Variants in AP3S2 observed in about 807,000 individuals in gnomAD.
AP3S2 encodes adaptor related protein complex 3 subunit sigma 2.
In AP3S2, 22 loss-of-function variants were observed where a neutral mutation model predicts 23.4. The observed-to-expected ratio is 0.94, with a 90% confidence interval of 0.67 to 1.34. The LOEUF is 1.34. Ranked by LOEUF, AP3S2 falls within the 40% of genes most tolerant of loss-of-function variation. The probability of loss-of-function intolerance (pLI) is 0.00; values close to 1 mark genes in which losing one functional copy is unlikely to be tolerated. For missense variants in AP3S2, 241 were observed against 236.9 expected, an observed-to-expected ratio of 1.02 and a Z score of -0.11; for synonymous variants, 86 against 87.1, an observed-to-expected ratio of 0.99 and a Z score of 0.07.
At chr15:89,844,320 TTTCCTTCC>T (rs893521555) in intron 4 of AP3S2, among the ~76,000 whole-genome samples, 2 of 149,552 alleles carry the variant, frequency 1.3e-5, no homozygotes, top group African/African-American at 2.5e-5. Flanking sequence ...TCCTTCCTTC[TTTCCTTCC>T]TTCCTTCTTT....
chr15:89,835,193 G>T lies in AP3S2; in HGVS notation c.*322C>A. On this transcript the variant is annotated 3_prime_UTR_variant, in exon 6 of 6. Transcript: ENST00000336418. ...CTGCTCAATGCAGTCCCTAACCCTTGGGAGCATCCATGTGAGAGGTAAAGG... is the reference window on the plus strand; with the variant it reads ...CTGCTCAATGCAGTCCCTAACCCTTTGGAGCATCCATGTGAGAGGTAAAGG... The T allele has an allele frequency of 2.3e-6, 1 of 443,492 alleles. No individual in the cohort carries two copies. The highest frequency in any genetic ancestry group is 4.0e-6 in the Non-Finnish European group (1 of 251,176). 27.5% of individuals were successfully genotyped at this position (443,492 alleles called of 1,614,324 possible).
chr15:89,881,470 GA>G (rs1053606954), intron 3 of AP3S2, among the ~76,000 whole-genome samples: 1 of 151,858 alleles, frequency 6.6e-6, no homozygotes, highest in African/African-American at 2.4e-5. Context: ...ATCTAACAAA[GA>G]AAAAAAATGC....
intron 3 of AP3S2, among the ~76,000 whole-genome samples, chr15:89,881,312 A>G (rs919384189): frequency 2.0e-5 from 3 of 152,250 alleles, no homozygotes; most frequent in Admixed American, 1.3e-4. Context: ...AGTATACAAC[A>G]TTAGAGTTTC....
intron 3 of AP3S2, among the ~76,000 whole-genome samples, chr15:89,885,872 T>C (rs980433795): frequency 2.1e-5 from 3 of 142,920 alleles, no homozygotes; most frequent in African/African-American, 7.9e-5. Context: ...GCCTGGGAGA[T>C]GGAGGCTGCA....
In AP3S2 at chr15:89,835,575, A is replaced by C. The variant is rs750433920; in HGVS notation, c.522T>G (p.Pro174=). The C allele has an allele frequency of 6.3e-5, 101 of 1,613,872 alleles. No homozygotes were observed. Among genetic ancestry groups the C allele is most frequent in the Non-Finnish European group, 7.5e-5 (89 of 1,180,022 alleles). ...AVKNINLPEI[P]RNINIGDLNI... ...TGAGATCGCCAATGTTGATGTTCCG[A>C]GGAATCTCTGGCAGGTTGATGTTTT... The change falls in exon 6 of 6, where the codon CCT becomes CCG. Residue 174 remains proline (P), a synonymous_variant. Transcript: ENST00000336418.
intron 3 of AP3S2, among the ~76,000 whole-genome samples, chr15:89,887,918 G>A (rs1432144155): frequency 2.0e-5 from 3 of 152,218 alleles, no homozygotes; most frequent in Non-Finnish European, 2.9e-5. Context: ...TGATCCGCCC[G>A]CCTTGGCCTC....
At chr15:89,858,471 GAAAGAAA>G (rs1474170033) in intron 4 of AP3S2, among the ~76,000 whole-genome samples, 1 of 27,270 alleles carries the variant, frequency 3.7e-5, no homozygotes, top group East Asian at 9.0e-4. Context: ...AAGAAAGAAA[GAAAGAAA>G]GAAAGAAAGA....
At chr15:89,859,232 T>C (rs1243211064) in intron 4 of AP3S2, among the ~76,000 whole-genome samples, 1 of 149,852 alleles carries the variant, frequency 6.7e-6, no homozygotes, top group Admixed American at 6.6e-5. Context: ...TTTCTTTCCT[T>C]CTTTCTTTCT....
intron 4 of AP3S2, among the ~76,000 whole-genome samples, chr15:89,861,123 G>A (rs1896000998): frequency 6.6e-6 from 1 of 152,120 alleles, no homozygotes; most frequent in African/African-American, 2.4e-5. Flanking sequence ...CAATATTACT[G>A]TTTATGATCC....
At chr15:89,858,228 G>A (rs1459404319) in intron 4 of AP3S2, among the ~76,000 whole-genome samples, 7 of 151,642 alleles carry the variant, frequency 4.6e-5, no homozygotes, top group African/African-American at 9.7e-5. Flanking sequence ...ACCTGAGGTT[G>A]GGAGTTTGAG....
chr15:89,839,052 TG>T (rs1036579325), intron 4 of AP3S2, among the ~76,000 whole-genome samples: 21 of 152,320 alleles, frequency 1.4e-4, no homozygotes, highest in African/African-American at 5.1e-4. Context: ...CTAGCATCCC[TG>T]GTCTCTACTC....
intron 4 of AP3S2, among the ~76,000 whole-genome samples, chr15:89,851,786 G>C (rs1247679159): frequency 1.5e-5 from 2 of 135,760 alleles, no homozygotes; most frequent in Non-Finnish European, 3.1e-5. Context: ...TATGAGTCAG[G>C]GTTCTCCGTG....
intron 4 of AP3S2, among the ~76,000 whole-genome samples, chr15:89,866,766 C>T (rs1347056335): frequency 6.6e-6 from 1 of 152,058 alleles, no homozygotes; most frequent in East Asian, 1.9e-4. Flanking sequence ...CCGCACCCGG[C>T]CCCTAGACAA....
At chr15:89,885,565 A>G (rs2141899072) in intron 3 of AP3S2, among the ~76,000 whole-genome samples, 2 of 152,280 alleles carry the variant, frequency 1.3e-5, no homozygotes, top group East Asian at 3.9e-4. Flanking sequence ...TGTATATATC[A>G]TCCCTTTAAA....
intron 4 of AP3S2, among the ~76,000 whole-genome samples, chr15:89,841,924 C>T (rs1895338529): frequency 6.6e-6 from 1 of 151,830 alleles, no homozygotes; most frequent in Admixed American, 6.6e-5. Flanking sequence ...TGGAAAAGGG[C>T]CTCCATGGAC....
chr15:89,852,175 T>C (rs751579062), intron 4 of AP3S2, among the ~76,000 whole-genome samples: 1 of 152,158 alleles, frequency 6.6e-6, no homozygotes, highest in African/African-American at 2.4e-5. Context: ...AGTTTCTTCA[T>C]CTGTAAAATG....
At chr15:89,849,319 T>G (rs192756393) in intron 4 of AP3S2, among the ~76,000 whole-genome samples, 15 of 152,306 alleles carry the variant, frequency 9.8e-5, no homozygotes, top group African/African-American at 2.4e-4. Context: ...GGGCTTTTTT[T>G]GGGGGGAGTG....
intron 4 of AP3S2, among the ~76,000 whole-genome samples, chr15:89,849,603 G>C (rs1895589239): frequency 6.6e-6 from 1 of 152,082 alleles, no homozygotes; most frequent in Non-Finnish European, 1.5e-5. Context: ...TCCTGACCTA[G>C]TGATCTGCCC....
In AP3S2 at chr15:89,888,250, C is replaced by T. The variant is rs184547446; in HGVS notation, c.273+271G>A. On this transcript the variant is annotated intron_variant, in intron 3 of 5. Coordinates refer to ENST00000336418, the MANE Select transcript of AP3S2 (RefSeq NM_005829.5). The stretch of plus-strand genomic sequence containing the variant: ...TCAGTTTTCATGAAGGTAATAAAGA[C>T]AATCTGTAAGCAGACTGTGGGCCAC... Among the ~76,000 whole-genome samples, 174 of 152,230 alleles carry T rather than the reference C, an allele frequency of 1.1e-3. 2 individuals are homozygous for T. Among genetic ancestry groups the T allele is most frequent in the Admixed American group, 0.011 (169 of 15,284 alleles).
Sources: gnomAD v4.1 joint callset for allele counts (sites outside exome capture counted in the v4.1 genomes callset) on GRCh38, gnomAD v4.1.1 for gene constraint, MANE v1.5 for transcripts, NCBI Gene and HGNC (gene_info 2026-07-23, HGNC 2026-07-21) for gene names.